ADARB2: variants seen among roughly 807,000 people sequenced by gnomAD.
ADARB2 encodes adenosine deaminase RNA specific B2 (inactive), also known as inactive double-stranded RNA-specific editase B2.
Under a neutral mutation model 62.2 loss-of-function variants are expected in ADARB2, and 25 were observed. That is an observed-to-expected ratio of 0.40 (90% CI 0.29 to 0.56). ADARB2 has a LOEUF of 0.56. ADARB2 is among the 20% of genes least tolerant of loss of function. ADARB2 has a pLI of 0.43. For synonymous variants in ADARB2, 572 were observed against 500.8 expected, an observed-to-expected ratio of 1.14 and a Z score of -1.90; for missense variants, 1,071 against 1,077.4, an observed-to-expected ratio of 0.99 and a Z score of 0.08.
intron 4 of ADARB2, among the ~76,000 whole-genome samples, chr10:1,260,490 C>A (rs971506556): frequency 6.6e-6 from 1 of 151,224 alleles, no homozygotes; most frequent in African/African-American, 2.4e-5. Context: ...AAATCACAAG[C>A]ATTCTTATAC....
intron 5 of ADARB2, chr10:1,240,508 T>G (rs1293147251): frequency 6.6e-6 from 1 of 152,472 alleles, no homozygotes; most frequent in African/African-American, 2.4e-5. Flanking sequence ...CCTTGCGGCA[T>G]CCAGCAGTCT....
intron 1 of ADARB2, among the ~76,000 whole-genome samples, chr10:1,498,925 A>G (rs1325997105): frequency 6.6e-6 from 1 of 151,998 alleles, no homozygotes; most frequent in Non-Finnish European, 1.5e-5. Context: ...ACACTCATTC[A>G]TCATTCATCG....
At chr10:1,356,852 T>C (rs1564267207) in intron 3 of ADARB2, among the ~76,000 whole-genome samples, 1 of 152,208 alleles carries the variant, frequency 6.6e-6, no homozygotes, top group Non-Finnish European at 1.5e-5. Context: ...AAGTAAGTTA[T>C]GGAATTATTG....
At chr10:1,446,076 G>T (rs1419254640) in intron 1 of ADARB2, among the ~76,000 whole-genome samples, 1 of 152,192 alleles carries the variant, frequency 6.6e-6, no homozygotes, top group Non-Finnish European at 1.5e-5. Flanking sequence ...AGGGGGTGAA[G>T]GAAACATGAG....
intron 1 of ADARB2, among the ~76,000 whole-genome samples, chr10:1,569,035 GGACAGAGATAGAGA>G (rs937195400): frequency 2.0e-5 from 3 of 151,722 alleles, no homozygotes; most frequent in Admixed American, 2.0e-4. Flanking sequence ...AGACAGAGCG[GGACAGAGATAGAGA>G]GACAGAGAGA....
intron 1 of ADARB2, among the ~76,000 whole-genome samples, chr10:1,685,078 T>C (rs1834582484): frequency 6.6e-6 from 1 of 152,114 alleles, no homozygotes; most frequent in African/African-American, 2.4e-5. Flanking sequence ...GACAGGACCA[T>C]GTCGAGTCTG....
intron 1 of ADARB2, among the ~76,000 whole-genome samples, chr10:1,731,531 G>T (rs936222417): frequency 2.0e-5 from 3 of 152,124 alleles, no homozygotes; most frequent in African/African-American, 7.2e-5. Flanking sequence ...TTCTCTTTTT[G>T]AATGTAATGT....
intron 1 of ADARB2, among the ~76,000 whole-genome samples, chr10:1,420,514 A>G (rs1357257605): frequency 6.6e-6 from 1 of 151,360 alleles, no homozygotes. Context: ...ATCTGTCTCT[A>G]TCTACCAAAT....
chr10:1,486,687 C>G (rs1831546753), intron 1 of ADARB2, among the ~76,000 whole-genome samples: 1 of 152,122 alleles, frequency 6.6e-6, no homozygotes, highest in African/African-American at 2.4e-5. Flanking sequence ...AAACGACGGC[C>G]AGCCATCAGC....
At chr10:1,475,047 G>T (rs1831380726) in intron 1 of ADARB2, among the ~76,000 whole-genome samples, 1 of 152,102 alleles carries the variant, frequency 6.6e-6, no homozygotes, top group Non-Finnish European at 1.5e-5. Context: ...CCCACGGGCC[G>T]CTGCTACAGA....
intron 3 of ADARB2, among the ~76,000 whole-genome samples, chr10:1,294,166 T>G (rs1261493204): frequency 6.6e-6 from 1 of 152,154 alleles, no homozygotes; most frequent in Non-Finnish European, 1.5e-5. Context: ...ATTCAACTTT[T>G]CCACCATTGA....
At chr10:1,333,103 T>C (rs1310128204) in intron 3 of ADARB2, among the ~76,000 whole-genome samples, 1 of 152,222 alleles carries the variant, frequency 6.6e-6, no homozygotes, top group Non-Finnish European at 1.5e-5. Flanking sequence ...AAGAGAAAAG[T>C]GCTTGATCCG....
chr10:1,345,637 T>C (rs1832074299), intron 3 of ADARB2, among the ~76,000 whole-genome samples: 1 of 152,182 alleles, frequency 6.6e-6, no homozygotes, highest in Non-Finnish European at 1.5e-5. Flanking sequence ...GCTGCTGTGT[T>C]TCCCCCCGTG....
intron 3 of ADARB2, among the ~76,000 whole-genome samples, chr10:1,281,442 C>T (rs75545644): frequency 6.6e-6 from 1 of 152,240 alleles, no homozygotes; most frequent in African/African-American, 2.4e-5. Context: ...CCAGGCAAAG[C>T]ACCATGCGCT....
intron 1 of ADARB2, among the ~76,000 whole-genome samples, chr10:1,607,126 G>A (rs963711181): frequency 2.0e-5 from 3 of 152,232 alleles, no homozygotes; most frequent in African/African-American, 7.2e-5. Flanking sequence ...ATCCATTTCA[G>A]TTAGGCCTTT....
At chr10:1,591,218 C>T (rs1444987203) in intron 1 of ADARB2, among the ~76,000 whole-genome samples, 1 of 152,204 alleles carries the variant, frequency 6.6e-6, no homozygotes, top group Non-Finnish European at 1.5e-5. Context: ...GGAGAAGCCA[C>T]CCTGAATCCA....
chr10:1,638,107 G>A (rs929179744), intron 1 of ADARB2, among the ~76,000 whole-genome samples: 2 of 152,176 alleles, frequency 1.3e-5, no homozygotes, highest in African/African-American at 4.8e-5. Context: ...GCTCTCATTA[G>A]TTGCCTCTGT....
At chr10:1,519,487 C>G (rs180679718) in intron 1 of ADARB2, among the ~76,000 whole-genome samples, 1 of 152,132 alleles carries the variant, frequency 6.6e-6, no homozygotes, top group Admixed American at 6.5e-5. Context: ...ATGCTTGCAT[C>G]GTAGGGGCCT....
At chr10:1,428,489 A>G (rs1369045458) in intron 1 of ADARB2, among the ~76,000 whole-genome samples, 6 of 151,676 alleles carry the variant, frequency 4.0e-5, no homozygotes, top group African/African-American at 9.7e-5. Context: ...GAGTTTCACC[A>G]TGTTAGCCAG....
Sources: gnomAD v4.1 joint callset for allele counts (sites outside exome capture counted in the v4.1 genomes callset) on GRCh38, gnomAD v4.1.1 for gene constraint, MANE v1.5 for transcripts, NCBI Gene and HGNC (gene_info 2026-07-23, HGNC 2026-07-21) for gene names.